Variants in CUX2 observed in about 807,000 individuals in gnomAD.
The protein encoded by CUX2 is homeobox protein cut-like 2.
A neutral mutation model predicts 144.8 loss-of-function variants in CUX2; 40 were observed. That is an observed-to-expected ratio of 0.28 (90% CI 0.21 to 0.36). The LOEUF (loss-of-function observed/expected upper bound fraction) is 0.36. Among genes scored for constraint, CUX2 ranks in the 10% least tolerant of loss-of-function variants. The pLI is 1.00. For synonymous variants in CUX2, 827 were observed against 875.6 expected, an observed-to-expected ratio of 0.94 and a Z score of 0.98; for missense variants, 1,615 against 1,994.0, an observed-to-expected ratio of 0.81 and a Z score of 3.62.
chr12:111,316,377 C>G (rs1432846277), intron 16 of CUX2, among the ~76,000 whole-genome samples: 1 of 148,994 alleles, frequency 6.7e-6, no homozygotes, highest in Non-Finnish European at 1.5e-5. Context: ...ATCTCCTGAC[C>G]TCAGATGATC....
At chr12:111,198,974 T>C (rs1880407779) in intron 1 of CUX2, among the ~76,000 whole-genome samples, 1 of 152,032 alleles carries the variant, frequency 6.6e-6, no homozygotes, top group Admixed American at 6.5e-5. Flanking sequence ...CATGGACAAG[T>C]TTCAAGCCAA....
In CUX2 at chr12:111,320,989, T is replaced by A. The variant is rs1887498756; in HGVS notation, c.2766+214T>A. Among the ~76,000 whole-genome samples the A allele has an allele frequency of 6.6e-6, 1 of 152,046 alleles. No homozygotes were observed. Among genetic ancestry groups the A allele is most frequent in the Admixed American group, 6.6e-5 (1 of 15,262 alleles). The stretch of plus-strand genomic sequence containing the variant: ...TCCATCCTGGCCAGCAAACAGCCAC[T>A]TAACTCCCCTCCTCCAGGCCCCTCC... On this transcript the variant is annotated intron_variant, in intron 17 of 21. Coordinates refer to ENST00000261726, the MANE Select transcript of CUX2 (RefSeq NM_015267.4). The surrounding 1 kb of genome is among the most constrained non-coding windows in gnomAD (Gnocchi z 8.1).
At chr12:111,192,361 C>T (rs1032828208) in intron 1 of CUX2, among the ~76,000 whole-genome samples, 27 of 152,112 alleles carry the variant, frequency 1.8e-4, no homozygotes, top group Admixed American at 1.8e-3. Flanking sequence ...AACTCCTGAC[C>T]TCAAGTGATC....
intron 4 of CUX2, among the ~76,000 whole-genome samples, chr12:111,276,024 A>G (rs1278573688): frequency 6.6e-6 from 1 of 152,152 alleles, no homozygotes; most frequent in African/African-American, 2.4e-5. Context: ...TATGAAAGTG[A>G]GATAAAACAT....
chr12:111,267,256 G>A (rs1884435160), intron 4 of CUX2, among the ~76,000 whole-genome samples: 1 of 151,114 alleles, frequency 6.6e-6, no homozygotes, highest in African/African-American at 2.4e-5. Flanking sequence ...GGACTACAGA[G>A]TCTCAGGCCC....
Position 111,034,320 on chromosome 12 carries a change from G to T in CUX2, c.63+80G>T. 1 of 913,962 alleles carries T rather than the reference G, an allele frequency of 1.1e-6. No homozygotes were observed. 56.6% of individuals were successfully genotyped at this position (913,962 alleles called of 1,614,324 possible). On this transcript the variant is annotated intron_variant, in intron 1 of 21. Transcript: ENST00000261726. This position sits in a 1 kb window ranked among gnomAD's most constrained non-coding sequence, Gnocchi z 4.2. ...GGGCGCATTGGGGAGGTCCCCGGGC[G>T]GGCAGGCGGACGCCCTGGGGCGGCG...
chr12:111,320,187 GC>G lies in CUX2; in HGVS notation c.2183del (p.Pro728ArgfsTer18). The G allele has an allele frequency of 6.5e-7, 1 of 1,528,642 alleles. No homozygotes were observed. The highest frequency in any genetic ancestry group is 8.7e-7 in the Non-Finnish European group (1 of 1,143,630). 94.7% of individuals were successfully genotyped at this position (1,528,642 alleles called of 1,614,324 possible). On this transcript the variant is annotated frameshift_variant, in exon 17 of 22. Transcript: ENST00000261726. LOFTEE classifies it high-confidence loss of function. The surrounding 1 kb of genome is among the most constrained non-coding windows in gnomAD (Gnocchi z 8.1). ...CCAGGGGCCGCTCGGTGCCCCCCTC[GC>G]CCCCGGAGCGGCCATCACTGGCCAC... ...APRGRSVPPS[P>X]PERPSLATAS...
chr12:111,144,071 AC>A (rs1876506422), intron 1 of CUX2, among the ~76,000 whole-genome samples: 1 of 151,504 alleles, frequency 6.6e-6, no homozygotes, highest in Admixed American at 6.6e-5. Context: ...CAGGCAGTGG[AC>A]CCCCCACTGC....
intron 18 of CUX2, among the ~76,000 whole-genome samples, chr12:111,327,324 C>T (rs984856147): frequency 2.6e-5 from 4 of 152,104 alleles, no homozygotes; most frequent in Admixed American, 1.3e-4. Flanking sequence ...TTGAATAATG[C>T]GCCTATGAAA....
chr12:111,338,187 G>C, intron 19 of CUX2, 99 bp from the exon 20 acceptor site: 2 of 1,297,584 alleles, frequency 1.5e-6, no homozygotes, highest in Non-Finnish European at 2.1e-6. Flanking sequence ...ATAGCCTCGA[G>C]GCTCTCCCCT....
intron 1 of CUX2, among the ~76,000 whole-genome samples, chr12:111,164,128 T>C (rs1274044443): frequency 6.6e-6 from 1 of 152,164 alleles, no homozygotes; most frequent in Non-Finnish European, 1.5e-5. Context: ...GTTATTATAA[T>C]ACTACCTGGA....
rs925901629 is a variant in CUX2, at chr12:111,266,477, A to C, written c.301+2638A>C. On this transcript the variant is annotated intron_variant, in intron 4 of 21. Coordinates refer to ENST00000261726, the MANE Select transcript of CUX2 (RefSeq NM_015267.4). ...CAGAGCAAGACCCTGTCTCAACAAA[A>C]AAAAAAAAAAAAGAGACGAGGGTAC... 2.7e-3 allele frequency among the ~76,000 whole-genome samples: 417 copies of C among 151,670 alleles called. 2 individuals carry two copies. The highest frequency in any genetic ancestry group is 9.6e-3 in the African/African-American group (399 of 41,424).
chr12:111,134,067 C>T (rs1293717071), intron 1 of CUX2, among the ~76,000 whole-genome samples: 4 of 152,200 alleles, frequency 2.6e-5, no homozygotes, highest in Non-Finnish European at 4.4e-5. Flanking sequence ...TTTCAGCAAT[C>T]TCAGCCCTGC....
intron 1 of CUX2, among the ~76,000 whole-genome samples, chr12:111,199,328 A>G (rs766828237): frequency 7.9e-5 from 12 of 152,306 alleles, no homozygotes; most frequent in Non-Finnish European, 7.4e-5. Context: ...TGGAATCTGC[A>G]TTCTGTACTT....
At chr12:111,146,932 G>A (rs1315472966) in intron 1 of CUX2, among the ~76,000 whole-genome samples, 1 of 152,094 alleles carries the variant, frequency 6.6e-6, no homozygotes, top group Non-Finnish European at 1.5e-5. Flanking sequence ...TCAGGAGTTC[G>A]AGACCAACCT....
At chr12:111,233,671 G>A (rs1882593666) in intron 3 of CUX2, among the ~76,000 whole-genome samples, 1 of 152,116 alleles carries the variant, frequency 6.6e-6, no homozygotes, top group Non-Finnish European at 1.5e-5. Context: ...TCCGACATCT[G>A]GGCTGTTGTG....
At chr12:111,253,694 C>CTGAT (rs137920077) in intron 3 of CUX2, among the ~76,000 whole-genome samples, 1,922 of 152,276 alleles carry the variant, frequency 0.013, 47 homozygotes, top group African/African-American at 0.044. Flanking sequence ...TAGGAGATGC[C>CTGAT]TGATTAATAT....
chr12:111,063,210 A>G (rs764509945), intron 1 of CUX2, among the ~76,000 whole-genome samples: 1 of 152,164 alleles, frequency 6.6e-6, no homozygotes, highest in Non-Finnish European at 1.5e-5. Context: ...CCCTGGGCAG[A>G]TGAGGAGGGG....
chr12:111,222,529 A>G (rs193252793), intron 3 of CUX2, among the ~76,000 whole-genome samples: 1 of 152,280 alleles, frequency 6.6e-6, no homozygotes, highest in East Asian at 1.9e-4. Flanking sequence ...TGATTGAAAC[A>G]CAGTAGTTTG....
Sources: allele counts gnomAD v4.1 joint callset (sites outside exome capture counted in the v4.1 genomes callset), GRCh38; gene constraint gnomAD v4.1.1; non-coding constraint Gnocchi (gnomAD v3.1); transcripts MANE v1.5; gene names NCBI Gene and HGNC (gene_info 2026-07-23, HGNC 2026-07-21).